Variants in ENTPD1 observed in about 807,000 individuals in gnomAD.
ENTPD1 encodes the protein ATP diphosphohydrolase.
ENTPD1 carries 33 observed loss-of-function variants against 57.0 expected under a neutral mutation model. That is an observed-to-expected ratio of 0.58 (90% confidence interval 0.44 to 0.77). The LOEUF (loss-of-function observed/expected upper bound fraction) is 0.77. Among genes scored for constraint, ENTPD1 ranks in the 30% least tolerant of loss-of-function variants. ENTPD1 has a pLI of 0.00. For missense variants in ENTPD1, 501 were observed against 603.4 expected, an observed-to-expected ratio of 0.83 and a Z score of 1.78; for synonymous variants, 202 against 218.8, an observed-to-expected ratio of 0.92 and a Z score of 0.68.
In ENTPD1 at chr10:95,870,436, C is replaced by T. The variant is rs1458483057; in HGVS notation, c.*4053C>T. ...TAGCTAGGACTACAGGTGTGCACCA[C>T]CATGTCTAGCTATTTTTTTTTCTGT... is the stretch of plus-strand genomic sequence containing the variant. On this transcript the variant is annotated 3_prime_UTR_variant, in exon 10 of 10. Coordinates refer to ENST00000371205, the MANE Select transcript of ENTPD1 (RefSeq NM_001776.6). 1 of 686,946 alleles carries T rather than the reference C, an allele frequency of 1.5e-6. No individual in the cohort carries two copies. The highest frequency in any genetic ancestry group is 1.8e-6 in the Non-Finnish European group (1 of 558,028). 42.6% of individuals were successfully genotyped at this position (686,946 alleles called of 1,614,324 possible).
upstream of ENTPD1, among the ~76,000 whole-genome samples, chr10:95,707,054 G>T (rs1219703503): frequency 6.6e-6 from 1 of 152,194 alleles, no homozygotes; most frequent in Non-Finnish European, 1.5e-5. Context: ...CGGGTCCTGT[G>T]CCTGGGAGGG....
chr10:95,836,336 T>C (rs2098409628), intron 2 of ENTPD1, among the ~76,000 whole-genome samples: 1 of 152,126 alleles, frequency 6.6e-6, no homozygotes, highest in Non-Finnish European at 1.5e-5. Context: ...TTAGAGTAGA[T>C]TTTTTTCTAA....
chr10:95,831,562 T>C lies in ENTPD1; in HGVS notation c.145-8129T>C, dbSNP rs534123881. Among the ~76,000 whole-genome samples the C allele has an allele frequency of 3.9e-5, 6 of 152,378 alleles. No individual in the cohort carries two copies. The East Asian group carries it at 1.2e-3, about 29-fold the overall frequency. On this transcript the variant is annotated intron_variant, in intron 2 of 9. Coordinates refer to ENST00000371205, the MANE Select transcript of ENTPD1 (RefSeq NM_001776.6). The stretch of plus-strand genomic sequence containing the variant: ...TGATTGATAACTCATGTCTTATCAT[T>C]TTTGCAGCTTACCTGCCTTAGTGAC...
At chr10:95,840,173 G>A (rs1484001192) in intron 3 of ENTPD1, among the ~76,000 whole-genome samples, 3 of 152,172 alleles carry the variant, frequency 2.0e-5, no homozygotes, top group Non-Finnish European at 4.4e-5. Flanking sequence ...GTTGAGAGAG[G>A]TTATACCACT....
intron 2 of ENTPD1, among the ~76,000 whole-genome samples, chr10:95,828,763 C>T (rs564457514): frequency 2.0e-4 from 28 of 143,144 alleles, no homozygotes; most frequent in Non-Finnish European, 3.1e-4. Context: ...CAGGCTGGAG[C>T]GCAGTGGCAT....
intron 7 of ENTPD1, among the ~76,000 whole-genome samples, chr10:95,858,212 A>G (rs962464634): frequency 1.3e-5 from 2 of 151,624 alleles, no homozygotes; most frequent in African/African-American, 4.8e-5. Context: ...GTGAAAGCAG[A>G]TAACAGAGGG....
At chr10:95,716,894 T>TA (rs1435412153) in intron 1 of ENTPD1, among the ~76,000 whole-genome samples, 1 of 152,234 alleles carries the variant, frequency 6.6e-6, no homozygotes, top group African/African-American at 2.4e-5. Context: ...GCCATTTCTG[T>TA]AGCTAGTCAT....
In ENTPD1 at chr10:95,844,593, T is replaced by C. The variant is rs1441303851; in HGVS notation, c.531T>C (p.Tyr177=). The change falls in exon 5 of 10, where the codon TAT becomes TAC. Residue 177 remains tyrosine (Y), a synonymous_variant. Transcript: ENST00000371205. ...RIITGQEEGA[Y]GWITINYLLG... is the part of the protein sequence containing the mutation. ...TTACTGGCCAAGAGGAAGGTGCCTA[T>C]GGCTGGATTACTATCAACTATCTGC... 1.2e-6 allele frequency: 2 copies of C among 1,614,094 alleles called. No individual in the cohort carries two copies. Among genetic ancestry groups the C allele is most frequent in the East Asian group, 4.5e-5 (2 of 44,894 alleles).
At chr10:95,730,091 C>A (rs2097987635) in intron 1 of ENTPD1, among the ~76,000 whole-genome samples, 1 of 152,182 alleles carries the variant, frequency 6.6e-6, no homozygotes, top group Non-Finnish European at 1.5e-5. Flanking sequence ...GACTGGAGTG[C>A]AGTGACACGA....
upstream of ENTPD1, among the ~76,000 whole-genome samples, chr10:95,708,927 C>T (rs920377706): frequency 3.9e-5 from 6 of 152,146 alleles, no homozygotes; most frequent in African/African-American, 7.2e-5. Flanking sequence ...AAAAGAACAG[C>T]GGTGAGAGCT....
intron 1 of ENTPD1, among the ~76,000 whole-genome samples, chr10:95,730,687 T>A (rs1359215727): frequency 6.6e-6 from 1 of 152,190 alleles, no homozygotes; most frequent in Middle Eastern, 3.2e-3. Flanking sequence ...TTAAAAAAGA[T>A]ATGTGGTGGT....
At chr10:95,779,181 A>G (rs567566690) in intron 1 of ENTPD1, among the ~76,000 whole-genome samples, 3 of 152,258 alleles carry the variant, frequency 2.0e-5, no homozygotes, top group Admixed American at 2.0e-4. Context: ...TTCCACTGTC[A>G]TTAGAACTAG....
At chr10:95,786,786 T>G (rs1375420796) in intron 1 of ENTPD1, among the ~76,000 whole-genome samples, 4 of 152,240 alleles carry the variant, frequency 2.6e-5, no homozygotes, top group Non-Finnish European at 5.9e-5. Context: ...ATAAAAAGCC[T>G]CTGGTTACTT....
At chr10:95,707,262 G>C (rs1011336339), upstream of ENTPD1, among the ~76,000 whole-genome samples, 1 of 152,218 alleles carries the variant, frequency 6.6e-6, no homozygotes, top group Non-Finnish European at 1.5e-5. Flanking sequence ...CACAGCCATG[G>C]TTTGGGCAGC....
At chr10:95,763,049 T>G (rs1032151548) in intron 1 of ENTPD1, among the ~76,000 whole-genome samples, 1 of 152,120 alleles carries the variant, frequency 6.6e-6, no homozygotes, top group Non-Finnish European at 1.5e-5. Context: ...GTATTCAAGT[T>G]TTCCTGCCAT....
intron 1 of ENTPD1, among the ~76,000 whole-genome samples, chr10:95,760,485 G>A (rs1438273476): frequency 6.6e-6 from 1 of 152,140 alleles, no homozygotes; most frequent in African/African-American, 2.4e-5. Context: ...CCTTCACTAT[G>A]GGTCGTGTAA....
intron 1 of ENTPD1, among the ~76,000 whole-genome samples, chr10:95,787,462 T>TG (rs2098184655): frequency 6.6e-6 from 1 of 152,174 alleles, no homozygotes; most frequent in Non-Finnish European, 1.5e-5. Context: ...AAAGATAGTA[T>TG]TTGGCTGTAT....
the ENTPD1 span, among the ~76,000 whole-genome samples, chr10:95,705,277 A>ATGTGTGTGTGTGTG: frequency 0.037 from 5,513 of 150,116 alleles, 112 homozygotes; most frequent in Non-Finnish European, 0.042. Context: ...CCAGTAGAAA[A>ATGTGTGTGTGTGTG]TGTGTGTGTG....
chr10:95,853,895 T>C (rs2098449829), intron 7 of ENTPD1, among the ~76,000 whole-genome samples: 2 of 152,198 alleles, frequency 1.3e-5, no homozygotes, highest in South Asian at 2.1e-4. Context: ...AAAATTCTCT[T>C]TTTTTGTTGT....
Sources: gnomAD v4.1 joint callset for allele counts (sites outside exome capture counted in the v4.1 genomes callset) on GRCh38, gnomAD v4.1.1 for gene constraint, MANE v1.5 for transcripts, NCBI Gene and HGNC (gene_info 2026-07-23, HGNC 2026-07-21) for gene names.